Variants in SDK1 observed in about 807,000 individuals in gnomAD.
SDK1 encodes sidekick cell adhesion molecule 1.
SDK1 carries 157 observed loss-of-function variants against 245.5 expected under a neutral mutation model. That is an observed-to-expected ratio of 0.64 (90% CI 0.56 to 0.73). The LOEUF is 0.73. SDK1 is among the 30% of genes least tolerant of loss of function. The pLI is 0.00. For synonymous variants in SDK1, 1,647 were observed against 1,278.5 expected (o/e 1.29, Z -6.15); for missense variants, 3,583 against 3,002.3 (o/e 1.19, Z -4.52).
intron 5 of SDK1, among the ~76,000 whole-genome samples, chr7:3,922,876 A>G (rs1228890131): frequency 1.3e-5 from 2 of 152,206 alleles, no homozygotes; most frequent in Non-Finnish European, 2.9e-5. Context: ...ACCTTCTGGA[A>G]TTCCTACTGT....
intron 4 of SDK1, among the ~76,000 whole-genome samples, chr7:3,718,580 TAAATAA>T: frequency 1.2e-5 from 1 of 86,344 alleles, no homozygotes; most frequent in Non-Finnish European, 2.6e-5. Context: ...AATAAATAAA[TAAATAA>T]ATATCTAACA....
chr7:3,991,692 T>C (rs1379602725), intron 14 of SDK1, among the ~76,000 whole-genome samples: 1 of 152,080 alleles, frequency 6.6e-6, no homozygotes, highest in Non-Finnish European at 1.5e-5. Flanking sequence ...GGAGTGTGGG[T>C]ATTGTGGCAT....
In SDK1 at chr7:3,885,684, G is replaced by C. The variant is rs189319479; in HGVS notation, c.847+64101G>C. 2.0e-5 allele frequency among the ~76,000 whole-genome samples: 3 copies of C among 152,218 alleles called. No homozygotes were observed. In the East Asian group the frequency reaches 5.8e-4, roughly 29 times the overall value. ...AATTATCATATCTTTCAATAAATAG[G>C]TTAGATGTTGCTTAATTGTTTAGTT... On this transcript the variant is annotated intron_variant, in intron 5 of 44. Coordinates refer to ENST00000404826, the MANE Select transcript of SDK1 (RefSeq NM_152744.4).
intron 1 of SDK1, among the ~76,000 whole-genome samples, chr7:3,462,286 C>G (rs1364407863): frequency 7.2e-5 from 11 of 152,088 alleles, no homozygotes; most frequent in Non-Finnish European, 1.3e-4. Flanking sequence ...TGGTTTCCCT[C>G]CTAAATGACC....
chr7:3,818,990 C>G (rs1207264354), intron 4 of SDK1, among the ~76,000 whole-genome samples: 3 of 152,118 alleles, frequency 2.0e-5, no homozygotes, highest in Non-Finnish European at 2.9e-5. Context: ...AGGATGGGCA[C>G]ACGATACTTG....
At position 4,268,984 on chromosome 7, in the gene SDK1, T is replaced by C. The variant is rs2128247199; in HGVS notation, c.*3600T>C. ...ATGGGTACAATTTTTAATAAAAACA[T>C]TATTTTGTTCCTTAAACGCTTGTGA... On this transcript the variant is annotated 3_prime_UTR_variant, in exon 45 of 45. Coordinates refer to ENST00000404826, the MANE Select transcript of SDK1 (RefSeq NM_152744.4). 3.5e-6 allele frequency: 1 copy of C among 284,512 alleles called. No homozygotes were observed. The highest frequency in any genetic ancestry group is 2.2e-5 in the African/African-American group (1 of 45,360). The allele number at this position is 284,512 out of a possible 1,614,324, so 17.6% of individuals were successfully genotyped here. A position where few individuals can be genotyped will look rare whatever the true frequency, so the allele number is the denominator to read the frequency against.
chr7:3,730,942 C>G (rs899825049), intron 4 of SDK1, among the ~76,000 whole-genome samples: 5 of 152,150 alleles, frequency 3.3e-5, no homozygotes, highest in Non-Finnish European at 7.3e-5. Context: ...CCAGATGAAC[C>G]TTAGGACAGC....
At chr7:3,557,142 GA>G (rs774970237) in intron 1 of SDK1, among the ~76,000 whole-genome samples, 4 of 151,436 alleles carry the variant, frequency 2.6e-5, no homozygotes, top group African/African-American at 9.7e-5. Flanking sequence ...GGAAACAGTA[GA>G]AAAAAAATCA....
intron 1 of SDK1, among the ~76,000 whole-genome samples, chr7:3,421,268 C>T (rs980765827): frequency 6.6e-6 from 1 of 152,000 alleles, no homozygotes; most frequent in Non-Finnish European, 1.5e-5. Flanking sequence ...GACAGGGTTT[C>T]ACCATGTTGG....
intron 4 of SDK1, among the ~76,000 whole-genome samples, chr7:3,775,170 G>A (rs74349337): frequency 0.031 from 4,761 of 152,328 alleles, 116 homozygotes; most frequent in Middle Eastern, 0.054. Context: ...TTGGTTTTCA[G>A]TAAATAAAGT....
chr7:3,783,362 G>C (rs1212427835), intron 4 of SDK1, among the ~76,000 whole-genome samples: 5 of 151,852 alleles, frequency 3.3e-5, no homozygotes, highest in Non-Finnish European at 7.4e-5. Context: ...CACCAGAGTA[G>C]TTAGGCAAGA....
intron 4 of SDK1, among the ~76,000 whole-genome samples, chr7:3,655,262 T>C (rs1783126789): frequency 6.6e-6 from 1 of 150,828 alleles, no homozygotes; most frequent in Non-Finnish European, 1.5e-5. Context: ...GGAGAAACAC[T>C]GTCTCTACTA....
intron 22 of SDK1, among the ~76,000 whole-genome samples, chr7:4,108,827 C>G (rs951708512): frequency 1.3e-5 from 2 of 152,286 alleles, no homozygotes; most frequent in East Asian, 1.9e-4. Context: ...CAGTCACTTC[C>G]CATCCCCTCC....
chr7:3,494,457 C>T (rs1337517916), intron 1 of SDK1, among the ~76,000 whole-genome samples: 1 of 152,116 alleles, frequency 6.6e-6, no homozygotes, highest in Admixed American at 6.5e-5. Flanking sequence ...TATGGGAAGA[C>T]AGTGTTAGAA....
intron 5 of SDK1, among the ~76,000 whole-genome samples, chr7:3,875,088 A>T (rs1254689084): frequency 6.6e-6 from 1 of 152,188 alleles, no homozygotes; most frequent in Admixed American, 6.5e-5. Context: ...TCAGACTTCT[A>T]GTTGAATCTT....
intron 2 of SDK1, among the ~76,000 whole-genome samples, chr7:3,637,111 G>GTATGTGTGTGTGTGTGTA (rs60078934): frequency 6.6e-6 from 1 of 150,962 alleles, no homozygotes; most frequent in African/African-American, 2.4e-5. Flanking sequence ...GTGTGTGTGT[G>GTATGTGTGTGTGTGTGTA]TTTTGAGAGA....
At chr7:3,465,707 G>T (rs900157847) in intron 1 of SDK1, among the ~76,000 whole-genome samples, 1 of 152,162 alleles carries the variant, frequency 6.6e-6, no homozygotes, top group African/African-American at 2.4e-5. Context: ...TGATCATTCA[G>T]GCGCGTGTCT....
At chr7:3,649,469 G>C (rs960067295) in intron 4 of SDK1, among the ~76,000 whole-genome samples, 1 of 151,766 alleles carries the variant, frequency 6.6e-6, no homozygotes. Flanking sequence ...ATTACTGCAG[G>C]CTAGATGACC....
chr7:3,694,841 G>A (rs1384736867), intron 4 of SDK1, among the ~76,000 whole-genome samples: 1 of 152,130 alleles, frequency 6.6e-6, no homozygotes, highest in Non-Finnish European at 1.5e-5. Context: ...TGACATGCAG[G>A]CCTTACTGAA....
Sources: gnomAD v4.1 joint callset for allele counts (sites outside exome capture counted in the v4.1 genomes callset) on GRCh38, gnomAD v4.1.1 for gene constraint, MANE v1.5 for transcripts, NCBI Gene and HGNC (gene_info 2026-07-23, HGNC 2026-07-21) for gene names.